The following ZNF445 variants were observed in gnomAD, a reference collection of about 807,000 sequenced individuals.
The protein encoded by ZNF445 is zinc finger protein 445, also known as zinc finger protein 168.
ZNF445 carries 19 observed loss-of-function variants against 93.9 expected under a neutral mutation model. The ratio of observed to expected loss-of-function variants is 0.20; its 90% confidence interval spans 0.14 to 0.30. The LOEUF (loss-of-function observed/expected upper bound fraction) is 0.30, where lower values mean the gene tolerates loss of function less well. Ranked by LOEUF, ZNF445 falls within the 10% of genes least tolerant of loss-of-function variation. ZNF445 has a pLI of 1.00. For missense variants in ZNF445, 1,058 were observed against 1,259.4 expected (o/e 0.84, Z 2.42); for synonymous variants, 449 against 446.3 (o/e 1.01, Z -0.08).
intron 1 of ZNF445, among the ~76,000 whole-genome samples, chr3:44,474,052 A>G (rs1698309359): frequency 6.6e-6 from 1 of 152,236 alleles, no homozygotes; most frequent in Admixed American, 6.5e-5. Context: ...AAGATCAATC[A>G]ATGAATGCTA....
At chr3:44,453,854 G>A (rs9813748) in intron 3 of ZNF445, among the ~76,000 whole-genome samples, 1,841 of 152,212 alleles carry the variant, frequency 0.012, 34 homozygotes, top group African/African-American at 0.042. Context: ...TCTTCTCAAC[G>A]AACAGAGGCT....
intron 1 of ZNF445, among the ~76,000 whole-genome samples, chr3:44,464,447 C>T (rs1698164430): frequency 6.6e-6 from 1 of 152,156 alleles, no homozygotes; most frequent in East Asian, 1.9e-4. Flanking sequence ...CTCTGATTGG[C>T]TTAGGAAAGT....
Position 44,447,121 on chromosome 3 carries a change from T to C in ZNF445, c.2550A>G (p.Thr850=). Residue 850 remains threonine, a synonymous_variant, in exon 8 of 8, where the codon ACA becomes ACG. Transcript: ENST00000396077. The surrounding 1 kb of genome is among the most constrained non-coding windows in gnomAD (Gnocchi z 4.7). ...FWCQECGKTF[T]RKRTLLDHKG... Reference sequence around the variant, plus strand: ...TATGATCTAAAAGGGTTCTTTTACGTGTAAAGGTTTTCCCACATTCTTGAC... The same window carrying C: ...TATGATCTAAAAGGGTTCTTTTACGCGTAAAGGTTTTCCCACATTCTTGAC... 1 of 1,614,178 alleles carries C rather than the reference T, an allele frequency of 6.2e-7. No homozygotes were observed.
chr3:44,450,640 G>C (rs1357060485), intron 5 of ZNF445, 67 bp from the exon 6 acceptor site: 15 of 1,574,758 alleles, frequency 9.5e-6, no homozygotes, highest in Non-Finnish European at 1.3e-5. Flanking sequence ...GGGAGAGAAG[G>C]GGAATAAACT....
chr3:44,470,814 T>C (rs1322430903), intron 1 of ZNF445, among the ~76,000 whole-genome samples: 1 of 152,156 alleles, frequency 6.6e-6, no homozygotes, highest in African/African-American at 2.4e-5. Context: ...GGATTGAAGA[T>C]GGCAGATGCA....
chr3:44,452,160 G>A (rs1352898165), intron 3 of ZNF445, among the ~76,000 whole-genome samples: 1 of 152,132 alleles, frequency 6.6e-6, no homozygotes, highest in East Asian at 1.9e-4. Context: ...AGGCAAGGCT[G>A]TCCCTCACAT....
At chr3:44,450,753 A>G in intron 5 of ZNF445, 115 bp downstream of exon 5, 1 of 1,277,762 alleles carries the variant, frequency 7.8e-7, no homozygotes. Flanking sequence ...TCTCTGGAAC[A>G]CGGGTCTTTG....
At chr3:44,468,494 A>T (rs1457943528) in intron 1 of ZNF445, among the ~76,000 whole-genome samples, 1 of 152,200 alleles carries the variant, frequency 6.6e-6, no homozygotes, top group Non-Finnish European at 1.5e-5. Flanking sequence ...ATTAGCCACA[A>T]GATTAGAAAT....
chr3:44,433,111 C>T lies in ZNF445; in HGVS notation c.*13464G>A, dbSNP rs996383348. ...TCACCACCCAAAGCTTCCTGGGATGCTAAGGGTCATCGTTCTTTTTTTTTT... is the reference window on the plus strand; with the variant it reads ...TCACCACCCAAAGCTTCCTGGGATGTTAAGGGTCATCGTTCTTTTTTTTTT... On this transcript the variant is annotated 3_prime_UTR_variant, in exon 8 of 8. Coordinates refer to ENST00000396077, the MANE Select transcript of ZNF445 (RefSeq NM_181489.6). 8 of 151,830 alleles carry T rather than the reference C, an allele frequency of 5.3e-5. No homozygotes were observed. The highest frequency in any genetic ancestry group is 1.0e-4 in the Non-Finnish European group (7 of 67,952). 9.4% of individuals were successfully genotyped at this position (151,830 alleles called of 1,614,324 possible).
chr3:44,457,758 T>C (rs1339964158), intron 2 of ZNF445, among the ~76,000 whole-genome samples: 1 of 152,114 alleles, frequency 6.6e-6, no homozygotes, highest in Admixed American at 6.6e-5. Context: ...ATCCTAGCAC[T>C]TTGGGAGGCC....
At chr3:44,464,249 C>G (rs146798286) in intron 1 of ZNF445, among the ~76,000 whole-genome samples, 4 of 152,282 alleles carry the variant, frequency 2.6e-5, no homozygotes, top group African/African-American at 9.6e-5. Context: ...TTTTGGGGAT[C>G]TGTCTTTGCC....
Position 44,448,147 on chromosome 3 carries a change from A to C in ZNF445, c.1524T>G (p.Thr508=), listed in dbSNP as rs1289247030. 1.2e-6 allele frequency: 2 copies of C among 1,614,124 alleles called. No individual in the cohort carries two copies. Among genetic ancestry groups the C allele is most frequent in the Non-Finnish European group, 1.7e-6 (2 of 1,180,034 alleles). ...SHLAYHQRLH[T]QEKAFKCRVC... ...CCCTACATTTAAATGCTTTCTCTTG[A>C]GTGTGAAGTCTCTGATGATACGCAA... is the stretch of plus-strand genomic sequence containing the variant. Residue 508 remains threonine, a synonymous_variant, in exon 8 of 8, where the codon ACT becomes ACG. Transcript: ENST00000396077.
At chr3:44,460,117 G>A (rs1430448390) in intron 1 of ZNF445, among the ~76,000 whole-genome samples, 1 of 152,178 alleles carries the variant, frequency 6.6e-6, no homozygotes, top group East Asian at 1.9e-4. Flanking sequence ...GTGTACACTA[G>A]AGCACTCTGT....
At chr3:44,462,388 T>A (rs1276208747) in intron 1 of ZNF445, among the ~76,000 whole-genome samples, 6 of 152,218 alleles carry the variant, frequency 3.9e-5, no homozygotes, top group Non-Finnish European at 2.9e-5. Flanking sequence ...CTAAAAATTA[T>A]CTTGAGTAGT....
At position 44,455,359 on chromosome 3, in the gene ZNF445, T is replaced by C. The variant is rs766077537; in HGVS notation, c.191A>G (p.His64Arg). Reference sequence around the variant, plus strand: ...AGTTTCTAGGGGCCCTGAAGACTCATGGTAGCGAAGCTGTCTGAAGAGCTG... The same window carrying C: ...AGTTTCTAGGGGCCCTGAAGACTCACGGTAGCGAAGCTGTCTGAAGAGCTG... ...FRQLFRQLRY[H>R]ESSGPLETLS... The change falls in exon 3 of 8, where the codon CAT (histidine) becomes CGT (arginine). Residue 64 changes from histidine to arginine, a missense_variant. His to Arg is a conservative substitution (Grantham distance 29). Coordinates refer to ENST00000396077, the MANE Select transcript of ZNF445 (RefSeq NM_181489.6). 6.2e-7 allele frequency: 1 copy of C among 1,613,948 alleles called. No homozygotes were observed. The highest frequency in any genetic ancestry group is 8.5e-7 in the Non-Finnish European group (1 of 1,179,972).
chr3:44,464,998 C>A (rs1035793425), intron 1 of ZNF445, among the ~76,000 whole-genome samples: 4 of 145,806 alleles, frequency 2.7e-5, no homozygotes, highest in Admixed American at 7.1e-5. Flanking sequence ...ACCCGGCAGG[C>A]GGAGGTTGCA....
intron 3 of ZNF445, among the ~76,000 whole-genome samples, chr3:44,453,059 G>A (rs1697977530): frequency 1.3e-5 from 2 of 151,696 alleles, no homozygotes; most frequent in South Asian, 2.1e-4. Flanking sequence ...GACTACAGGC[G>A]AACACCACCA....
rs2125671410 is a variant in ZNF445, at chr3:44,432,660, C to T, written c.*13915G>A. The stretch of plus-strand genomic sequence containing the variant: ...CACAAATTTAAACGTTAATCTCATC[C>T]AAAGCAACCTCACAGAAACACCCAG... On this transcript the variant is annotated 3_prime_UTR_variant, in exon 8 of 8. Coordinates refer to ENST00000396077, the MANE Select transcript of ZNF445 (RefSeq NM_181489.6). The T allele has an allele frequency of 6.6e-6, 1 of 152,282 alleles. No individual in the cohort carries two copies. The highest frequency in any genetic ancestry group is 1.5e-5 in the Non-Finnish European group (1 of 68,046). The allele number at this position is 152,282 out of a possible 1,614,324, so 9.4% of individuals were successfully genotyped here. A position where few individuals can be genotyped will look rare whatever the true frequency, so the allele number is the denominator to read the frequency against.
At chr3:44,453,880 A>G (rs751711258) in intron 3 of ZNF445, among the ~76,000 whole-genome samples, 4 of 152,128 alleles carry the variant, frequency 2.6e-5, no homozygotes, top group African/African-American at 9.7e-5. Flanking sequence ...AGGTACAACT[A>G]TGTGGCCACA....
Sources: gnomAD v4.1 joint callset for allele counts (sites outside exome capture counted in the v4.1 genomes callset) on GRCh38, gnomAD v4.1.1 for gene constraint, Gnocchi (gnomAD v3.1) non-coding constraint, MANE v1.5 for transcripts, NCBI Gene and HGNC (gene_info 2026-07-23, HGNC 2026-07-21) for gene names.